Variants in MAGI3 observed in about 807,000 individuals in gnomAD.
The protein encoded by MAGI3 is membrane-associated guanylate kinase, WW and PDZ domain-containing protein 3.
MAGI3 carries 43 observed loss-of-function variants against 121.8 expected under a neutral mutation model. That is an observed-to-expected ratio of 0.35 (90% CI 0.28 to 0.46). The LOEUF is 0.46. Ranked by LOEUF, MAGI3 falls within the 20% of genes least tolerant of loss-of-function variation. The pLI is 1.00. For missense variants in MAGI3, 1,547 were observed against 1,797.3 expected (o/e 0.86, Z 2.52); for synonymous variants, 553 against 639.3 (o/e 0.86, Z 2.04).
At chr1:113,555,124 A>C (rs374642368) in intron 2 of MAGI3, among the ~76,000 whole-genome samples, 63 of 152,252 alleles carry the variant, frequency 4.1e-4, no homozygotes, top group South Asian at 2.5e-3. Flanking sequence ...AAGGAAAAAA[A>C]AAAACGCCAA....
intron 16 of MAGI3, among the ~76,000 whole-genome samples, chr1:113,670,432 A>G (rs956788996): frequency 3.9e-5 from 6 of 152,232 alleles, no homozygotes; most frequent in African/African-American, 7.2e-5. Flanking sequence ...CAGCTTTCTC[A>G]ATGGAAACTG....
At chr1:113,451,607 A>G (rs112084788) in intron 1 of MAGI3, among the ~76,000 whole-genome samples, 1 of 152,172 alleles carries the variant, frequency 6.6e-6, no homozygotes, top group South Asian at 2.1e-4. Context: ...TTATAAGGAA[A>G]TAGACATCAA....
intron 9 of MAGI3, 122 bp downstream of exon 9, chr1:113,623,116 C>A: frequency 2.9e-6 from 2 of 689,848 alleles, no homozygotes; most frequent in South Asian, 4.0e-5. Flanking sequence ...AAAGAGATTC[C>A]AGTATTAAAA....
intron 1 of MAGI3, among the ~76,000 whole-genome samples, chr1:113,430,682 GTTCT>G (rs1653257911): frequency 1.3e-5 from 2 of 152,240 alleles, no homozygotes; most frequent in East Asian, 3.9e-4. Context: ...CTGGCTGATT[GTTCT>G]AATAGAAGTA....
chr1:113,597,183 A>C (rs1438331800), intron 6 of MAGI3, among the ~76,000 whole-genome samples: 1 of 152,218 alleles, frequency 6.6e-6, no homozygotes, highest in Non-Finnish European at 1.5e-5. Flanking sequence ...TATGAATCTC[A>C]AAAACATGCT....
At chr1:113,674,992 C>T (rs546914662) in intron 19 of MAGI3, among the ~76,000 whole-genome samples, 18 of 152,158 alleles carry the variant, frequency 1.2e-4, no homozygotes, top group Non-Finnish European at 2.1e-4. Context: ...AAGTCATGTA[C>T]AGGGAACTTC....
chr1:113,561,991 AT>A (rs1660254808), intron 2 of MAGI3, among the ~76,000 whole-genome samples: 1 of 152,212 alleles, frequency 6.6e-6, no homozygotes, highest in Non-Finnish European at 1.5e-5. Flanking sequence ...GAGAGCCAAA[AT>A]CCAGAATGAA....
chr1:113,519,878 AAT>A lies in MAGI3; in HGVS notation c.317-29635_317-29634del, dbSNP rs1162729744. ...GCAAAATGAGATATTCTTATCAGGG[AAT>A]AGTAGGAACTCTCCCAAAATCCAGA... is the stretch of plus-strand genomic sequence containing the variant. On this transcript the variant is annotated intron_variant, in intron 1 of 20. Transcript: ENST00000307546. Among the ~76,000 whole-genome samples, 7 of 152,386 alleles carry A rather than the reference AAT, an allele frequency of 4.6e-5. No individual in the cohort carries two copies. In the South Asian group the frequency reaches 1.2e-3, roughly 27 times the overall value.
In MAGI3 at chr1:113,683,680, C is replaced by A; in HGVS notation, c.4112C>A (p.Thr1371Asn). Reference protein sequence around the residue: ...MVEKSLPSKMTNKTTSKEVSE... With the variant: ...MVEKSLPSKMNNKTTSKEVSE... ...GAGAAATCTCTTCCATCCAAAATGA[C>A]TAATAAGACTACAAGTAAAGAAGTA... Residue 1371 changes from threonine (T) to asparagine (N), a missense_variant, in exon 21 of 21, where the codon ACT becomes AAT. Physicochemically the swap from Thr to Asn is moderately conservative, Grantham distance 65 (BLOSUM62 0). Coordinates refer to ENST00000307546, the MANE Select transcript of MAGI3 (RefSeq NM_001142782.2). 2 of 1,604,676 alleles carry A rather than the reference C, an allele frequency of 1.2e-6. No individual in the cohort carries two copies. The highest frequency in any genetic ancestry group is 1.7e-6 in the Non-Finnish European group (2 of 1,175,524).
chr1:113,446,371 A>G (rs936966561), intron 1 of MAGI3, among the ~76,000 whole-genome samples: 2 of 152,218 alleles, frequency 1.3e-5, no homozygotes, highest in Non-Finnish European at 2.9e-5. Flanking sequence ...CACAAAGAAA[A>G]TAGCTATAGA....
intron 1 of MAGI3, among the ~76,000 whole-genome samples, chr1:113,548,355 T>G (rs945223607): frequency 1.3e-5 from 2 of 152,254 alleles, no homozygotes; most frequent in African/African-American, 4.8e-5. Context: ...ATCCTGTTTT[T>G]TCTGCTTAAT....
chr1:113,489,718 A>G (rs963758497), intron 1 of MAGI3, among the ~76,000 whole-genome samples: 2 of 152,128 alleles, frequency 1.3e-5, no homozygotes, highest in Admixed American at 1.3e-4. Flanking sequence ...CAGAGCTGAA[A>G]AACACACTAC....
At position 113,668,738 on chromosome 1, in the gene MAGI3, G is replaced by A. The variant is rs977235489; in HGVS notation, c.2816-2996G>A. ...GCTGGGACTACAGGCGCCCGCCACC[G>A]CGCCCGGCTAATTTTTTGTATTTTT... On this transcript the variant is annotated intron_variant, in intron 16 of 20. Transcript: ENST00000307546. Among the ~76,000 whole-genome samples, 36 of 151,034 alleles carry A rather than the reference G, an allele frequency of 2.4e-4. No individual in the cohort carries two copies. The East Asian group carries it at 6.0e-3, about 25-fold the overall frequency.
rs139359988 is a variant in MAGI3, at chr1:113,616,829, G to A, written c.1076+2171G>A. Among the ~76,000 whole-genome samples the A allele has an allele frequency of 5.1e-3, 771 of 151,336 alleles. 4 individuals are homozygous for A. Among genetic ancestry groups the A allele is most frequent in the African/African-American group, 0.018 (744 of 41,230 alleles). On this transcript the variant is annotated intron_variant, in intron 7 of 20. Transcript: ENST00000307546. ...TAGATCAGGGTGATAAGCATTAAAT[G>A]TCTTGATGCACCTAGATGACAAAGT... is the stretch of plus-strand genomic sequence containing the variant.
intron 9 of MAGI3, among the ~76,000 whole-genome samples, chr1:113,640,580 G>A (rs1358315892): frequency 5.3e-5 from 8 of 151,970 alleles, no homozygotes; most frequent in African/African-American, 4.8e-5. Context: ...TCCTTTGCAG[G>A]GACATAGATG....
chr1:113,636,668 T>C (rs1652046527), intron 9 of MAGI3, among the ~76,000 whole-genome samples: 3 of 152,122 alleles, frequency 2.0e-5, no homozygotes, highest in African/African-American at 7.2e-5. Flanking sequence ...AATTTTGGAA[T>C]AGGTGTGGTG....
chr1:113,636,058 G>T (rs560958063), intron 9 of MAGI3, among the ~76,000 whole-genome samples: 1 of 152,000 alleles, frequency 6.6e-6, no homozygotes, highest in African/African-American at 2.4e-5. Context: ...TATTTCTGTG[G>T]GATCGGTGGT....
chr1:113,594,420 T>A, intron 5 of MAGI3, 61 bp from the exon 6 acceptor site: 2 of 1,358,510 alleles, frequency 1.5e-6, no homozygotes, highest in Non-Finnish European at 2.1e-6. Context: ...TAATCTTTAC[T>A]TTTGAAATAA....
At chr1:113,492,868 C>T (rs776583564) in intron 1 of MAGI3, among the ~76,000 whole-genome samples, 11 of 151,972 alleles carry the variant, frequency 7.2e-5, no homozygotes, top group Non-Finnish European at 1.6e-4. Flanking sequence ...AGGAGAACTA[C>T]AAAATATTGG....
Sources: allele counts gnomAD v4.1 joint callset (sites outside exome capture counted in the v4.1 genomes callset), GRCh38; gene constraint gnomAD v4.1.1; transcripts MANE v1.5; gene names NCBI Gene and HGNC (gene_info 2026-07-23, HGNC 2026-07-21).